TTC21B: variants seen among roughly 807,000 people sequenced by gnomAD.
TTC21B encodes tetratricopeptide repeat protein 21B.
A neutral mutation model predicts 175.1 loss-of-function variants in TTC21B; 127 were observed. That is an observed-to-expected ratio of 0.73 (90% CI 0.63 to 0.84). The LOEUF (loss-of-function observed/expected upper bound fraction) is 0.84. TTC21B is among the 40% of genes least tolerant of loss of function. TTC21B has a pLI of 0.00. For synonymous variants in TTC21B, 524 were observed against 524.5 expected (o/e 1.00, Z 0.01); for missense variants, 1,561 against 1,558.3 (o/e 1.00, Z -0.03).
intron 25 of TTC21B, among the ~76,000 whole-genome samples, chr2:165,887,919 T>G (rs1209809949): frequency 6.6e-6 from 1 of 152,120 alleles, no homozygotes; most frequent in Non-Finnish European, 1.5e-5. Flanking sequence ...AAGTAAGATA[T>G]CAGGGCAGCC....
At chr2:165,908,073 T>C (rs1443923525) in intron 18 of TTC21B, among the ~76,000 whole-genome samples, 6 of 152,324 alleles carry the variant, frequency 3.9e-5, no homozygotes, top group Admixed American at 2.0e-4. Flanking sequence ...ATTTCCATTT[T>C]TATTCTTAAG....
chr2:165,943,473 A>G, intron 4 of TTC21B, 132 bp from the exon 5 acceptor site: 1 of 752,492 alleles, frequency 1.3e-6, no homozygotes, highest in Non-Finnish European at 2.2e-6. Context: ...GAACAATAAA[A>G]TTCTGTTAGT....
chr2:165,875,394 T>C (rs1684634143), intron 28 of TTC21B, among the ~76,000 whole-genome samples: 1 of 152,110 alleles, frequency 6.6e-6, no homozygotes, highest in South Asian at 2.1e-4. Flanking sequence ...TAAGGCCAAG[T>C]ATTTACTGTA....
rs1452380782 is a variant in TTC21B at position 165,873,972 on chromosome 2, A to G, written c.*783T>C. On this transcript the variant is annotated 3_prime_UTR_variant, in exon 29 of 29. Coordinates refer to ENST00000243344, the MANE Select transcript of TTC21B (RefSeq NM_024753.5). Reference sequence around the variant, plus strand: ...CTATTTATAAAACCTTTATTAAAATATATATTTAAAATATATATATTGTCT... The same window carrying G: ...CTATTTATAAAACCTTTATTAAAATGTATATTTAAAATATATATATTGTCT... The G allele has an allele frequency of 6.6e-6, 1 of 151,936 alleles. No homozygotes were observed. The highest frequency in any genetic ancestry group is 2.4e-5 in the African/African-American group (1 of 41,430). The allele number at this position is 151,936 out of a possible 1,614,324, so 9.4% of individuals were successfully genotyped here.
At chr2:165,922,433 C>T (rs1042508577) in intron 12 of TTC21B, among the ~76,000 whole-genome samples, 1 of 151,572 alleles carries the variant, frequency 6.6e-6, no homozygotes, top group African/African-American at 2.4e-5. Flanking sequence ...AGACATTTAT[C>T]TAAAGAAGAT....
At chr2:165,921,465 T>C (rs1686402209) in intron 12 of TTC21B, among the ~76,000 whole-genome samples, 1 of 152,134 alleles carries the variant, frequency 6.6e-6, no homozygotes, top group Non-Finnish European at 1.5e-5. Flanking sequence ...CTGATTTGGG[T>C]TAGTATCCTG....
chr2:165,886,639 C>A (rs56793438), intron 25 of TTC21B, among the ~76,000 whole-genome samples: 1 of 152,080 alleles, frequency 6.6e-6, no homozygotes, highest in Non-Finnish European at 1.5e-5. Flanking sequence ...AAAAATAACA[C>A]AGTCTTATCA....
At chr2:165,891,037 T>C in intron 22 of TTC21B, 49 bp from the exon 23 acceptor site, 1 of 1,468,022 alleles carries the variant, frequency 6.8e-7, no homozygotes, top group Non-Finnish European at 9.5e-7. Flanking sequence ...ATACTGTTTC[T>C]TTTGTTGGTT....
intron 18 of TTC21B, among the ~76,000 whole-genome samples, chr2:165,909,908 T>C (rs1344559504): frequency 6.6e-6 from 1 of 152,192 alleles, no homozygotes; most frequent in East Asian, 1.9e-4. Flanking sequence ...AGGTGTACTA[T>C]AATCCATTTA....
rs766301718 is a variant in TTC21B at position 165,890,600 on chromosome 2, T to C, written c.3142A>G (p.Lys1048Glu). The change falls in exon 24 of 29, where the codon AAA becomes GAA. Residue 1048 changes from lysine to glutamate, a missense_variant. Coordinates refer to ENST00000243344, the MANE Select transcript of TTC21B (RefSeq NM_024753.5). ...EPNDALRHFN[K>E]ARKDRDWGQN... Reference sequence around the variant, plus strand: ...CCCCAGTCACGATCTTTCCGAGCTTTATTAAAATGTCGAAGGGCATCATTT... The same window carrying C: ...CCCCAGTCACGATCTTTCCGAGCTTCATTAAAATGTCGAAGGGCATCATTT... 1.1e-5 allele frequency: 17 copies of C among 1,613,744 alleles called. No homozygotes were observed. The highest frequency in any genetic ancestry group is 1.3e-5 in the Non-Finnish European group (15 of 1,179,794).
In TTC21B at chr2:165,874,837, A is replaced by G. The variant is rs771358816; in HGVS notation, c.3874-5T>C. 6 of 1,613,142 alleles carry G rather than the reference A, an allele frequency of 3.7e-6. No homozygotes were observed. Among genetic ancestry groups the G allele is most frequent in the Non-Finnish European group, 5.1e-6 (6 of 1,179,458 alleles). On this transcript the variant is annotated splice_region_variant and splice_polypyrimidine_tract_variant and intron_variant, in intron 28 of 28. Transcript: ENST00000243344. ...AGTTGGATGTGCTTCAAGAACCTGC[A>G]AAACAAATAAAGAACCCATAAAAAC...
intron 18 of TTC21B, among the ~76,000 whole-genome samples, chr2:165,910,114 A>G (rs917798710): frequency 4.6e-5 from 7 of 152,156 alleles, no homozygotes; most frequent in Admixed American, 4.6e-4. Context: ...TTAAAAATAA[A>G]GATCTTAGGC....
chr2:165,888,334 T>G lies in TTC21B; in HGVS notation c.3404A>C (p.Gln1135Pro). 1 of 1,613,984 alleles carries G rather than the reference T, an allele frequency of 6.2e-7. No homozygotes were observed. The highest frequency in any genetic ancestry group is 1.1e-5 in the South Asian group (1 of 91,084). Residue 1135 changes from glutamine (Q) to proline (P), a missense_variant, in exon 25 of 29, where the codon CAG becomes CCG. Coordinates refer to ENST00000243344, the MANE Select transcript of TTC21B (RefSeq NM_024753.5). ...TAATGCTTGTTCAACATTAGATTTC[T>G]GTTTGGTAGCCATTAAGCAATAGTT... ...MENYCLMATK[Q>P]KSNVEQALNT...
intron 25 of TTC21B, among the ~76,000 whole-genome samples, chr2:165,887,794 G>A (rs1685058222): frequency 6.6e-6 from 1 of 152,052 alleles, no homozygotes; most frequent in African/African-American, 2.4e-5. Context: ...GATTGCAGGA[G>A]GTTATTTCAG....
At chr2:165,920,433 A>C (rs1686343737) in intron 12 of TTC21B, among the ~76,000 whole-genome samples, 1 of 152,230 alleles carries the variant, frequency 6.6e-6, no homozygotes, top group African/African-American at 2.4e-5. Context: ...ATGGCATCAA[A>C]GTTTAGCAAT....
At chr2:165,919,721 C>T (rs890758527) in intron 12 of TTC21B, among the ~76,000 whole-genome samples, 28 of 152,208 alleles carry the variant, frequency 1.8e-4, no homozygotes, top group African/African-American at 4.8e-4. Context: ...GGCCAATAAA[C>T]GGACCTTTAT....
At position 165,888,303 on chromosome 2, in the gene TTC21B, G is replaced by A; in HGVS notation, c.3435C>T (p.Thr1145=). ...CCTCAGATGCTGCTATTTCAGTGAA[G>A]GTATTTAATGCTTGTTCAACATTAG... ...QKSNVEQALN[T]FTEIAASEKE... The change falls in exon 25 of 29, where the codon ACC becomes ACT. Residue 1145 remains threonine (T), a synonymous_variant. Coordinates refer to ENST00000243344, the MANE Select transcript of TTC21B (RefSeq NM_024753.5). 1 of 1,613,504 alleles carries A rather than the reference G, an allele frequency of 6.2e-7. No homozygotes were observed. Among genetic ancestry groups the A allele is most frequent in the Non-Finnish European group, 8.5e-7 (1 of 1,179,550 alleles).
rs1453169570 is a variant in TTC21B, at chr2:165,902,677, T to G, written c.2569-767A>C. ...ATGTGTTTCAGTATGTCAGTATATG[T>G]ACCTTTATGTGTTTTAGATTATACA... On this transcript the variant is annotated intron_variant, in intron 19 of 28. Transcript: ENST00000243344. 2.6e-5 allele frequency among the ~76,000 whole-genome samples: 4 copies of G among 152,246 alleles called. No individual in the cohort carries two copies. In the South Asian group the frequency reaches 6.2e-4, roughly 24 times the overall value.
rs777924117 is a variant in TTC21B at position 165,884,069 on chromosome 2, CA to C, written c.3460-52del. 2.9e-5 allele frequency: 41 copies of C among 1,399,254 alleles called. No individual in the cohort carries two copies. In the African/African-American group the frequency reaches 4.2e-4, roughly 14 times the overall value. 86.7% of individuals were successfully genotyped at this position (1,399,254 alleles called of 1,614,324 possible). The stretch of plus-strand genomic sequence containing the variant: ...ATAAGATGCATAAACATAAATGCCC[CA>C]AAAACATACAGAAAGCAGAAAATGC... On this transcript the variant is annotated intron_variant, in intron 25 of 28. Transcript: ENST00000243344.
Sources: gnomAD v4.1 joint callset for allele counts (sites outside exome capture counted in the v4.1 genomes callset) on GRCh38, gnomAD v4.1.1 for gene constraint, MANE v1.5 for transcripts, NCBI Gene and HGNC (gene_info 2026-07-23, HGNC 2026-07-21) for gene names.